The following DENND4C variants were observed in gnomAD, a reference collection of about 807,000 sequenced individuals.
DENND4C encodes the protein DENN domain containing 4C.
In DENND4C, 108 loss-of-function variants were observed where a neutral mutation model predicts 203.0. That is an observed-to-expected ratio of 0.53 (90% CI 0.46 to 0.62). The LOEUF (loss-of-function observed/expected upper bound fraction) is 0.62, where lower values mean the gene tolerates loss of function less well. Ranked by LOEUF, DENND4C falls within the 20% of genes least tolerant of loss-of-function variation. The pLI, the probability that DENND4C is intolerant of heterozygous loss-of-function variation, is 0.00. For missense variants in DENND4C, 2,481 were observed against 2,301.2 expected (o/e 1.08, Z -1.60); for synonymous variants, 871 against 792.4 (o/e 1.10, Z -1.67).
At chr9:19,280,953 C>G (rs532489995) in intron 2 of DENND4C, among the ~76,000 whole-genome samples, 1 of 152,020 alleles carries the variant, frequency 6.6e-6, no homozygotes, top group Non-Finnish European at 1.5e-5. Flanking sequence ...GTTGCCCAGG[C>G]TAGTCTTGAG....
chr9:19,236,362 C>G (rs1030664235), intron 1 of DENND4C, among the ~76,000 whole-genome samples: 1 of 152,072 alleles, frequency 6.6e-6, no homozygotes, highest in African/African-American at 2.4e-5. Context: ...AATAAGACAT[C>G]TGATTAAAAA....
intron 10 of DENND4C, among the ~76,000 whole-genome samples, chr9:19,310,027 C>T (rs1038478500): frequency 1.3e-5 from 2 of 151,998 alleles, no homozygotes; most frequent in African/African-American, 2.4e-5. Flanking sequence ...CTTATTTATT[C>T]CTAAGTATCT....
chr9:19,237,646 G>A (rs1053946411), intron 1 of DENND4C, among the ~76,000 whole-genome samples: 2 of 152,024 alleles, frequency 1.3e-5, no homozygotes, highest in Non-Finnish European at 2.9e-5. Context: ...CGTAGCCATC[G>A]CACCCAGCCA....
chr9:19,317,449 G>C (rs1842046357), intron 12 of DENND4C, among the ~76,000 whole-genome samples: 1 of 152,042 alleles, frequency 6.6e-6, no homozygotes, highest in Admixed American at 6.5e-5. Context: ...TTTTGTTTTA[G>C]GGAATTATAG....
intron 6 of DENND4C, 52 bp downstream of exon 6, chr9:19,296,298 T>G: frequency 8.3e-7 from 1 of 1,211,726 alleles, no homozygotes; most frequent in Non-Finnish European, 1.2e-6. Context: ...TATATAAATA[T>G]ATACATTTGT....
chr9:19,291,046 A>G (rs556817819), intron 5 of DENND4C, among the ~76,000 whole-genome samples, 170 bp downstream of exon 5: 78 of 152,342 alleles, frequency 5.1e-4, no homozygotes, highest in African/African-American at 1.8e-3. Context: ...TGCTATCAGG[A>G]TATTGATACC....
At chr9:19,322,746 A>T (rs932733544) in intron 12 of DENND4C, among the ~76,000 whole-genome samples, 4 of 151,538 alleles carry the variant, frequency 2.6e-5, no homozygotes, top group East Asian at 1.9e-4. Context: ...AAAAAAAAAA[A>T]AAAAATAAGG....
At position 19,276,487 on chromosome 9, in the gene DENND4C, G is replaced by T; in HGVS notation, c.305+8G>T. 5 of 1,231,356 alleles carry T rather than the reference G, an allele frequency of 4.1e-6. No individual in the cohort carries two copies. Among genetic ancestry groups the T allele is most frequent in the South Asian group, 4.1e-5 (1 of 24,228 alleles). 76.3% of individuals were successfully genotyped at this position (1,231,356 alleles called of 1,614,324 possible). A position where few individuals can be genotyped will look rare whatever the true frequency, so the allele number is the denominator to read the frequency against. ...ACCGCTTACAGATATTGGGTATGGT[G>T]ACTTCTTTTCTTTGCTATAGTGAAG... On this transcript the variant is annotated splice_region_variant and intron_variant, in intron 2 of 32. Coordinates refer to ENST00000434457, the MANE Select transcript of DENND4C (RefSeq NM_001330640.2).
At chr9:19,332,222 T>G (rs2131797733) in intron 17 of DENND4C, 38 bp downstream of exon 17, 2 of 1,588,160 alleles carry the variant, frequency 1.3e-6, no homozygotes, top group Middle Eastern at 3.3e-4. Flanking sequence ...TAAGGTAAAT[T>G]TTATTTTTGT....
intron 10 of DENND4C, among the ~76,000 whole-genome samples, chr9:19,308,891 C>T (rs1840212040): frequency 1.3e-5 from 2 of 152,114 alleles, no homozygotes. Flanking sequence ...TTGCTTCAAT[C>T]TCTTGCCAGT....
intron 15 of DENND4C, among the ~76,000 whole-genome samples, chr9:19,326,804 C>T (rs1817929104): frequency 6.6e-6 from 1 of 152,014 alleles, no homozygotes; most frequent in Non-Finnish European, 1.5e-5. Flanking sequence ...GGTAGATTCT[C>T]TTTGTAATCT....
rs1025811998 is a variant in DENND4C, at chr9:19,276,353, G to A, written c.179G>A (p.Gly60Asp). The change falls in exon 2 of 33, where the codon GGT (glycine) becomes GAT (aspartate). Residue 60 changes from glycine to aspartate, a missense_variant. Physicochemically the swap from Gly to Asp is moderately conservative, Grantham distance 94. Around this residue, in one of 3 missense-constraint regions of DENND4C, gnomAD observed 187 missense variants for 167.4 expected, o/e 1.12. Coordinates refer to ENST00000434457, the MANE Select transcript of DENND4C (RefSeq NM_001330640.2). Reference protein sequence around the residue: ...IKSAGETVPEGYTCVEATPSA... With the variant: ...IKSAGETVPEDYTCVEATPSA... The stretch of plus-strand genomic sequence containing the variant: ...TCAGCTGGAGAAACAGTACCTGAAG[G>A]TTACACCTGTGTAGAAGCCACTCCA... The A allele has an allele frequency of 7.3e-6, 9 of 1,231,958 alleles. No individual in the cohort carries two copies. The highest frequency in any genetic ancestry group is 4.7e-5 in the African/African-American group (3 of 64,398). 76.3% of individuals were successfully genotyped at this position (1,231,958 alleles called of 1,614,324 possible).
chr9:19,232,720 G>C (rs759314272), intron 1 of DENND4C, among the ~76,000 whole-genome samples: 1 of 152,168 alleles, frequency 6.6e-6, no homozygotes, highest in African/African-American at 2.4e-5. Flanking sequence ...AACTGTAGTG[G>C]TGTGTAGGCT....
At chr9:19,290,537 G>A (rs1025991417) in intron 4 of DENND4C, among the ~76,000 whole-genome samples, 167 bp from the exon 5 acceptor site, 3 of 152,082 alleles carry the variant, frequency 2.0e-5, no homozygotes, top group African/African-American at 7.2e-5. Flanking sequence ...AATATCAGGG[G>A]TAAACTTATT....
intron 20 of DENND4C, among the ~76,000 whole-genome samples, chr9:19,337,434 C>T (rs996398925): frequency 6.6e-6 from 1 of 152,124 alleles, no homozygotes; most frequent in East Asian, 1.9e-4. Flanking sequence ...TTTAATATCT[C>T]AAGCCTTCCT....
In DENND4C at chr9:19,252,197, G is replaced by C. The variant is rs1366229926; in HGVS notation, c.-18+21364G>C. On this transcript the variant is annotated intron_variant, in intron 1 of 32. Transcript: ENST00000434457. ...GAGCAAGTCACGTCTTATGTGAATG[G>C]CAGCAGGCAAATAGAGAGCTGGTGC... Among the ~76,000 whole-genome samples, 4 of 152,130 alleles carry C rather than the reference G, an allele frequency of 2.6e-5. No individual in the cohort carries two copies. The East Asian group carries it at 7.7e-4, about 29-fold the overall frequency.
At chr9:19,288,028 C>A (rs954302338) in intron 3 of DENND4C, among the ~76,000 whole-genome samples, 1 of 152,192 alleles carries the variant, frequency 6.6e-6, no homozygotes, top group African/African-American at 2.4e-5. Context: ...GCCACCACAC[C>A]CAATCCATGC....
At chr9:19,339,509 G>A (rs934863258) in intron 20 of DENND4C, among the ~76,000 whole-genome samples, 13 of 152,160 alleles carry the variant, frequency 8.5e-5, no homozygotes, top group African/African-American at 3.1e-4. Context: ...CGTAAATGAT[G>A]TTGACTCCTT....
chr9:19,331,531 G>A (rs73645600), intron 16 of DENND4C, among the ~76,000 whole-genome samples: 1,720 of 152,220 alleles, frequency 0.011, 30 homozygotes, highest in African/African-American at 0.037. Flanking sequence ...GAGTCTGTCA[G>A]TGAGGGAGTT....
Sources: allele counts gnomAD v4.1 joint callset (sites outside exome capture counted in the v4.1 genomes callset), GRCh38; gene constraint gnomAD v4.1.1; regional missense constraint gnomAD v4.1.1; transcripts MANE v1.5; gene names NCBI Gene and HGNC (gene_info 2026-07-23, HGNC 2026-07-21).